Variants in KIAA1217 observed in about 807,000 individuals in gnomAD.
KIAA1217 encodes the protein sickle tail protein homolog.
KIAA1217 carries 88 observed loss-of-function variants against 163.9 expected under a neutral mutation model. The observed-to-expected ratio is 0.54, with a 90% CI of 0.45 to 0.64. The LOEUF (loss-of-function observed/expected upper bound fraction) is 0.64, where lower values mean the gene tolerates loss of function less well. Among genes scored for constraint, KIAA1217 ranks in the 30% least tolerant of loss-of-function variants. The pLI is 0.00. For missense variants in KIAA1217, 2,372 were observed against 2,475.0 expected, an observed-to-expected ratio of 0.96 and a Z score of 0.88; for synonymous variants, 903 against 923.1, an observed-to-expected ratio of 0.98 and a Z score of 0.39.
At chr10:24,308,254 T>C (rs2042230779) in intron 2 of KIAA1217, among the ~76,000 whole-genome samples, 1 of 152,164 alleles carries the variant, frequency 6.6e-6, no homozygotes, top group South Asian at 2.1e-4. Flanking sequence ...TGTTTCAGAA[T>C]GGAACCTGGA....
At chr10:23,916,927 G>A (rs530901229) in intron 1 of KIAA1217, among the ~76,000 whole-genome samples, 45 of 143,462 alleles carry the variant, frequency 3.1e-4, no homozygotes, top group African/African-American at 8.7e-4. Context: ...AGCTGAGATC[G>A]TGCCATTGCA....
At chr10:24,199,673 A>G (rs2067157170) in intron 2 of KIAA1217, among the ~76,000 whole-genome samples, 1 of 152,232 alleles carries the variant, frequency 6.6e-6, no homozygotes. Flanking sequence ...CTTTGAAAAG[A>G]TAAGACAAAG....
At chr10:24,518,193 G>A (rs1386762587) in intron 10 of KIAA1217, among the ~76,000 whole-genome samples, 1 of 152,142 alleles carries the variant, frequency 6.6e-6, no homozygotes, top group Non-Finnish European at 1.5e-5. Context: ...GACATTCTGT[G>A]GAGCAAAGCT....
chr10:24,158,183 T>C, intron 2 of KIAA1217: 1 of 743,656 alleles, frequency 1.3e-6, no homozygotes. Context: ...CATTTCATGA[T>C]GCAGAGTCCT....
chr10:24,258,318 A>G (rs1443146716), intron 2 of KIAA1217, among the ~76,000 whole-genome samples: 1 of 152,198 alleles, frequency 6.6e-6, no homozygotes, highest in African/African-American at 2.4e-5. Context: ...AGATACACAC[A>G]GACCCACAGA....
intron 1 of KIAA1217, among the ~76,000 whole-genome samples, chr10:23,976,754 A>G (rs1264401367): frequency 6.6e-6 from 1 of 152,222 alleles, no homozygotes; most frequent in African/African-American, 2.4e-5. Flanking sequence ...GCTGATAGGC[A>G]GGTGGGAGGA....
At chr10:24,298,714 C>T (rs997538237) in intron 2 of KIAA1217, among the ~76,000 whole-genome samples, 1 of 152,174 alleles carries the variant, frequency 6.6e-6, no homozygotes, top group Non-Finnish European at 1.5e-5. Flanking sequence ...AGGAGAATCA[C>T]TTGAACTTGG....
chr10:24,066,761 C>A (rs1486252229), intron 2 of KIAA1217, among the ~76,000 whole-genome samples: 4 of 152,180 alleles, frequency 2.6e-5, no homozygotes, highest in African/African-American at 9.7e-5. Context: ...TCCATTCTCC[C>A]CGTCAATTTC....
chr10:24,538,314 G>A lies in KIAA1217; in HGVS notation c.3534+1421G>A, dbSNP rs144934846. ...AACTCTCTGCCACATAAATTGACAT[G>A]TGACACTGTTAATGGGGGAAGGGAA... On this transcript the variant is annotated intron_variant, in intron 17 of 20. Transcript: ENST00000376454. 1.6e-3 allele frequency among the ~76,000 whole-genome samples: 251 copies of A among 152,248 alleles called. 5 individuals carry two copies. The highest frequency in any genetic ancestry group is 5.7e-3 in the African/African-American group (236 of 41,538).
chr10:23,947,019 T>C (rs1289242171), intron 1 of KIAA1217, among the ~76,000 whole-genome samples: 1 of 152,096 alleles, frequency 6.6e-6, no homozygotes. Context: ...AAGGCGCTTT[T>C]CCCCATTTTG....
intron 1 of KIAA1217, among the ~76,000 whole-genome samples, chr10:23,911,858 C>T (rs1842443730): frequency 6.6e-6 from 1 of 152,054 alleles, no homozygotes; most frequent in Non-Finnish European, 1.5e-5. Flanking sequence ...GTCAAGAACC[C>T]CATGGCTCTG....
chr10:23,776,739 G>A (rs1473096483), intron 1 of KIAA1217, among the ~76,000 whole-genome samples: 4 of 141,218 alleles, frequency 2.8e-5, no homozygotes, highest in African/African-American at 1.1e-4. Context: ...GGAATGCAGT[G>A]GTGTGATCTC....
intron 1 of KIAA1217, among the ~76,000 whole-genome samples, chr10:23,726,441 A>G (rs961556785): frequency 2.4e-4 from 37 of 152,110 alleles, no homozygotes; most frequent in Non-Finnish European, 4.6e-4. Context: ...ACCTAAAACC[A>G]TAGAAACCCT....
intron 2 of KIAA1217, among the ~76,000 whole-genome samples, chr10:24,134,954 C>T (rs1199911992): frequency 6.6e-6 from 1 of 152,130 alleles, no homozygotes; most frequent in Non-Finnish European, 1.5e-5. Flanking sequence ...GAAGTGTAAG[C>T]AGTGGGATGA....
intron 2 of KIAA1217, among the ~76,000 whole-genome samples, chr10:24,119,866 G>A (rs565144605): frequency 1.3e-5 from 2 of 152,250 alleles, no homozygotes; most frequent in Non-Finnish European, 2.9e-5. Flanking sequence ...AATGATCTGT[G>A]CTTCCTACAC....
chr10:24,240,873 A>G (rs1178782410), intron 2 of KIAA1217, among the ~76,000 whole-genome samples: 2 of 151,928 alleles, frequency 1.3e-5, no homozygotes, highest in Non-Finnish European at 2.9e-5. Context: ...TTTTAAAAAA[A>G]AAAGACAGGG....
At chr10:24,307,099 C>G (rs2042088295) in intron 2 of KIAA1217, among the ~76,000 whole-genome samples, 1 of 152,212 alleles carries the variant, frequency 6.6e-6, no homozygotes. Context: ...ATTCCTCCAT[C>G]ACAGAAGGTT....
intron 1 of KIAA1217, among the ~76,000 whole-genome samples, chr10:23,861,903 C>T (rs567889641): frequency 1.1e-4 from 17 of 152,302 alleles, no homozygotes; most frequent in African/African-American, 3.1e-4. Context: ...GACTTCTGAC[C>T]TACAGAACTA....
At chr10:24,282,823 C>CTTTTTTTT (rs34486953) in intron 2 of KIAA1217, among the ~76,000 whole-genome samples, 1 of 46,278 alleles carries the variant, frequency 2.2e-5, no homozygotes, top group African/African-American at 8.8e-5. Context: ...GGTGTTGCTT[C>CTTTTTTTT]TTTTTTTTTT....
Sources: allele counts gnomAD v4.1 joint callset (sites outside exome capture counted in the v4.1 genomes callset), GRCh38; gene constraint gnomAD v4.1.1; transcripts MANE v1.5; gene names NCBI Gene and HGNC (gene_info 2026-07-23, HGNC 2026-07-21).